BICRAL: variants seen among roughly 807,000 people sequenced by gnomAD.
BICRAL encodes BRD4-interacting chromatin-remodeling complex-associated protein-like.
In BICRAL, 8 loss-of-function variants were observed where a neutral mutation model predicts 91.8. The ratio of observed to expected loss-of-function variants is 0.09; its 90% confidence interval spans 0.05 to 0.16. BICRAL has a LOEUF of 0.16. Among genes scored for constraint, BICRAL ranks in the 10% least tolerant of loss-of-function variants. The pLI, the probability that BICRAL is intolerant of heterozygous loss-of-function variation, is 1.00. For synonymous variants in BICRAL, 445 were observed against 491.1 expected, an observed-to-expected ratio of 0.91 and a Z score of 1.24; for missense variants, 1,038 against 1,310.9, an observed-to-expected ratio of 0.79 and a Z score of 3.21.
rs61573478 is a variant in BICRAL, at chr6:42,757,258, C to CTTT, written c.-261+10244_-261+10246dup. On this transcript the variant is annotated intron_variant, in intron 1 of 14. Transcript: ENST00000614467. ...CTATATAAATAGTTTTTTTTTAACT[C>CTTT]TTTTTTTTTTTGAGATGGAGTCTCC... Among the ~76,000 whole-genome samples, 36 of 145,312 alleles carry CTTT rather than the reference C, an allele frequency of 2.5e-4. 1 individual carries two copies. The highest frequency in any genetic ancestry group is 1.1e-3 in the Admixed American group (16 of 14,484).
chr6:42,772,499 G>C (rs1399082273), intron 1 of BICRAL, among the ~76,000 whole-genome samples: 1 of 152,146 alleles, frequency 6.6e-6, no homozygotes, highest in Non-Finnish European at 1.5e-5. Flanking sequence ...GGGACCACAG[G>C]GTACTAGGAG....
chr6:42,791,190 GA>G (rs35189547), intron 1 of BICRAL, among the ~76,000 whole-genome samples: 8,483 of 152,082 alleles, frequency 0.056, 327 homozygotes, highest in African/African-American at 0.11. Flanking sequence ...TCCCACTCAG[GA>G]AAAGATCCTG....
chr6:42,865,087 G>A lies in BICRAL; in HGVS notation c.2881G>A (p.Asp961Asn). The A allele has an allele frequency of 6.2e-7, 1 of 1,614,170 alleles. No individual in the cohort carries two copies. Reference sequence around the variant, plus strand: ...GAGCAAACTGTCAAGCATCCTAGCAGATTCGCACTTGGAGATGACGTGTAA... The same window carrying A: ...GAGCAAACTGTCAAGCATCCTAGCAAATTCGCACTTGGAGATGACGTGTAA... ...TESKLSSILA[D>N]SHLEMTCNNS... is the part of the protein sequence containing the mutation. The change falls in exon 13 of 13, where the codon GAT becomes AAT. Residue 961 changes from aspartate to asparagine, a missense_variant. By Grantham distance (23) the Asp-to-Asn change is conservative. Coordinates refer to ENST00000314073, the MANE Select transcript of BICRAL (RefSeq NM_001393499.1).
intron 1 of BICRAL, among the ~76,000 whole-genome samples, chr6:42,788,045 C>T (rs1167204493): frequency 6.6e-6 from 1 of 151,762 alleles, no homozygotes; most frequent in African/African-American, 2.4e-5. Context: ...CACAGGTGTG[C>T]ACCACTGTAA....
At chr6:42,762,120 T>C (rs1396435951) in intron 1 of BICRAL, among the ~76,000 whole-genome samples, 2 of 152,170 alleles carry the variant, frequency 1.3e-5, no homozygotes, top group Non-Finnish European at 2.9e-5. Flanking sequence ...GGAGCCGAAT[T>C]TGCTTTGTAC....
At chr6:42,783,288 G>A (rs572949979) in intron 1 of BICRAL, among the ~76,000 whole-genome samples, 1 of 152,032 alleles carries the variant, frequency 6.6e-6, no homozygotes, top group Admixed American at 6.6e-5. Context: ...CGGCCCAGCC[G>A]GGCGTCTCCT....
chr6:42,837,649 G>T (rs1255947011), intron 6 of BICRAL, among the ~76,000 whole-genome samples: 1 of 151,914 alleles, frequency 6.6e-6, no homozygotes, highest in Non-Finnish European at 1.5e-5. Flanking sequence ...CTACTCGGGA[G>T]GCTGAGACAG....
At position 42,829,241 on chromosome 6, in the gene BICRAL, C is replaced by T. The variant is rs775364473; in HGVS notation, c.908C>T (p.Ala303Val). Residue 303 changes from alanine (A) to valine (V), a missense_variant, in exon 6 of 13, where the codon GCA becomes GTA. Physicochemically the swap from Ala to Val is moderately conservative, Grantham distance 64. Coordinates refer to ENST00000314073, the MANE Select transcript of BICRAL (RefSeq NM_001393499.1). ...VHNIIIQRGL[A>V]PNSNKVPINI... is the part of the protein sequence containing the mutation. ...AACATCATCATACAAAGGGGTCTTG[C>T]ACCAAATTCAAATAAAGTCCCAATT... 2.5e-6 allele frequency: 4 copies of T among 1,614,136 alleles called. No individual in the cohort carries two copies. In the South Asian group the frequency reaches 4.4e-5, roughly 18 times the overall value.
At chr6:42,764,603 T>C (rs1762606100) in intron 1 of BICRAL, among the ~76,000 whole-genome samples, 1 of 152,186 alleles carries the variant, frequency 6.6e-6, no homozygotes, top group African/African-American at 2.4e-5. Context: ...ATTCTATATA[T>C]ACACATACAC....
chr6:42,863,800 G>T (rs536606582), intron 12 of BICRAL, among the ~76,000 whole-genome samples: 57 of 152,278 alleles, frequency 3.7e-4, no homozygotes, highest in African/African-American at 1.3e-3. Flanking sequence ...GGCCAAGGCG[G>T]GTGGATCACC....
chr6:42,760,929 C>T (rs1418356142), intron 1 of BICRAL, among the ~76,000 whole-genome samples: 1 of 150,414 alleles, frequency 6.6e-6, no homozygotes, highest in Non-Finnish European at 1.5e-5. Flanking sequence ...GGCTGAGGCA[C>T]GAGAATTGCT....
In BICRAL at chr6:42,817,172, GTA is replaced by G. The variant is rs1201241713; in HGVS notation, c.-5-4840_-5-4839del. Reference sequence around the variant, plus strand: ...TATGTGTGTGTGTGTGTGTGTGTGTGTATATATGTGTGTGTGTGTATTTCCCC... The same window carrying G: ...TATGTGTGTGTGTGTGTGTGTGTGTGTATATGTGTGTGTGTGTATTTCCCC... On this transcript the variant is annotated intron_variant, in intron 2 of 12. Transcript: ENST00000314073. Among the ~76,000 whole-genome samples the G allele has an allele frequency of 5.7e-3, 775 of 135,904 alleles. 3 individuals are homozygous for G. The highest frequency in any genetic ancestry group is 0.02 in the African/African-American group (681 of 34,594). 89.2% of individuals were successfully genotyped at this position (135,904 alleles called of 152,430 possible).
In BICRAL at chr6:42,865,437, A is replaced by G; in HGVS notation, c.3231A>G (p.Leu1077=). ...TAGAAGCAGCTGTAAATAGTATCCT[A>G]GAGTGTTAATAGCAGCAGTCCTCCC... ...SILEAAVNSI[L]EC Residue 1077 remains leucine (L), a synonymous_variant, in exon 13 of 13, where the codon CTA becomes CTG. Transcript: ENST00000314073. The G allele has an allele frequency of 1.2e-6, 2 of 1,606,358 alleles. No homozygotes were observed. The highest frequency in any genetic ancestry group is 1.7e-6 in the Non-Finnish European group (2 of 1,173,294).
upstream of BICRAL, among the ~76,000 whole-genome samples, chr6:42,781,596 G>GTGTGTGTGT (rs1562457230): frequency 3.9e-5 from 4 of 103,478 alleles, 1 homozygote; most frequent in Admixed American, 3.1e-4. Context: ...TGGGTGGGTG[G>GTGTGTGTGT]GTGTGTGTGT....
At chr6:42,835,960 ATGTGCAG>A (rs1764626188) in intron 6 of BICRAL, among the ~76,000 whole-genome samples, 1 of 152,154 alleles carries the variant, frequency 6.6e-6, no homozygotes, top group South Asian at 2.1e-4. Context: ...GAAACAAAAA[ATGTGCAG>A]TTAATTAGTA....
chr6:42,851,983 C>G (rs999264911), intron 6 of BICRAL, 109 bp from the exon 7 acceptor site: 2 of 661,586 alleles, frequency 3.0e-6, no homozygotes, highest in African/African-American at 3.6e-5. Flanking sequence ...TGTTTATAAT[C>G]TAACCTGAAG....
chr6:42,841,340 C>T, intron 6 of BICRAL, among the ~76,000 whole-genome samples: 1 of 151,746 alleles, frequency 6.6e-6, no homozygotes. Context: ...AGGCGTGCAC[C>T]ACCACACCTG....
At chr6:42,757,017 G>A (rs1762473175) in intron 1 of BICRAL, among the ~76,000 whole-genome samples, 2 of 147,992 alleles carry the variant, frequency 1.4e-5, no homozygotes, top group Non-Finnish European at 3.0e-5. Flanking sequence ...CTTCCAAGGG[G>A]GCAAAAGCAG....
chr6:42,761,878 C>T (rs1762555565), intron 1 of BICRAL, among the ~76,000 whole-genome samples: 1 of 151,834 alleles, frequency 6.6e-6, no homozygotes, highest in African/African-American at 2.4e-5. Context: ...TGCATCACTG[C>T]ACTCTATCCT....
Sources: gnomAD v4.1 joint callset for allele counts (sites outside exome capture counted in the v4.1 genomes callset) on GRCh38, gnomAD v4.1.1 for gene constraint, MANE v1.5 for transcripts, NCBI Gene and HGNC (gene_info 2026-07-23, HGNC 2026-07-21) for gene names.